DPYSL2: variants seen among roughly 807,000 people sequenced by gnomAD.
The protein encoded by DPYSL2 is dihydropyrimidinase like 2, also known as dihydropyrimidinase-related protein 2.
In DPYSL2, 13 loss-of-function variants were observed where a neutral mutation model predicts 69.9. The observed-to-expected ratio is 0.19, with a 90% confidence interval of 0.12 to 0.30. DPYSL2 has a LOEUF of 0.30. Among genes scored for constraint, DPYSL2 ranks in the 10% least tolerant of loss-of-function variants. The probability of loss-of-function intolerance (pLI) is 1.00; values close to 1 mark genes in which losing one functional copy is unlikely to be tolerated. For synonymous variants in DPYSL2, 326 were observed against 359.1 expected, an observed-to-expected ratio of 0.91 and a Z score of 1.04; for missense variants, 587 against 918.9, an observed-to-expected ratio of 0.64 and a Z score of 4.67.
intron 3 of DPYSL2, among the ~76,000 whole-genome samples, chr8:26,602,060 A>AT (rs1003998486): frequency 3.3e-5 from 5 of 151,366 alleles, no homozygotes; most frequent in East Asian, 1.9e-4. Context: ...CTTTTGTTGT[A>AT]TTTTTTAGAT....
intron 1 of DPYSL2, among the ~76,000 whole-genome samples, chr8:26,531,479 G>C (rs2117612079): frequency 6.6e-6 from 1 of 152,334 alleles, no homozygotes; most frequent in East Asian, 1.9e-4. Context: ...AGGTGGATGA[G>C]ATCAGTCAGG....
intron 3 of DPYSL2, among the ~76,000 whole-genome samples, chr8:26,606,297 A>G (rs1428494777): frequency 6.6e-6 from 1 of 152,202 alleles, no homozygotes; most frequent in Admixed American, 6.5e-5. Flanking sequence ...AATATATCCC[A>G]GATGGATTAA....
chr8:26,547,979 A>G (rs1935716518), intron 1 of DPYSL2: 1 of 257,982 alleles, frequency 3.9e-6, no homozygotes, highest in South Asian at 5.6e-5. Context: ...TCTCCCTGGC[A>G]TGAGAAGGTC....
chr8:26,607,797 C>T (rs372012741), intron 3 of DPYSL2, among the ~76,000 whole-genome samples: 23 of 151,034 alleles, frequency 1.5e-4, no homozygotes, highest in East Asian at 5.9e-4. Context: ...AAAAAAAAAT[C>T]GGCTGGGTGT....
chr8:26,597,968 G>A lies in DPYSL2; in HGVS notation c.628+13985G>A, dbSNP rs1014756400. On this transcript the variant is annotated intron_variant, in intron 3 of 13. Transcript: ENST00000521913. The surrounding 1 kb of genome is among the most constrained non-coding windows in gnomAD (Gnocchi z 5.2). ...ATCTTCATGGAGCTGGGAGACCTTC[G>A]TGCCAGGGTCGACTCTGCTGCTTAT... Among the ~76,000 whole-genome samples the A allele has an allele frequency of 2.0e-5, 3 of 152,082 alleles. No individual in the cohort carries two copies. The highest frequency in any genetic ancestry group is 4.4e-5 in the Non-Finnish European group (3 of 68,008).
Position 26,588,022 on chromosome 8 carries a change from A to G in DPYSL2, c.628+4039A>G, listed in dbSNP as rs537694392. 6.6e-6 allele frequency among the ~76,000 whole-genome samples: 1 copy of G among 152,310 alleles called. No homozygotes were observed. The highest frequency in any genetic ancestry group is 2.4e-5 in the African/African-American group (1 of 41,572). The stretch of plus-strand genomic sequence containing the variant: ...TTGCCCTGGGGCCACCTTTGCTCTC[A>G]GCCTCAGTGGCCTCATCTGCAAAAT... On this transcript the variant is annotated intron_variant, in intron 3 of 13. Coordinates refer to ENST00000521913, the MANE Select transcript of DPYSL2 (RefSeq NM_001197293.3). The surrounding 1 kb of genome is among the most constrained non-coding windows in gnomAD (Gnocchi z 5.4).
intron 1 of DPYSL2, among the ~76,000 whole-genome samples, chr8:26,556,126 T>TAGTATATATATAGTA (rs1491379170): frequency 6.7e-4 from 9 of 13,336 alleles, no homozygotes; most frequent in South Asian, 3.4e-3. Flanking sequence ...ACTATATATA[T>TAGTATATATATAGTA]TATATATACT....
At chr8:26,577,215 C>G (rs370448431) in intron 1 of DPYSL2, 5 of 424,436 alleles carry the variant, frequency 1.2e-5, no homozygotes, top group Non-Finnish European at 1.9e-5. Context: ...GCAGCCTCCC[C>G]CCGGCCCGCG....
At chr8:26,555,153 T>G (rs1800925727) in intron 1 of DPYSL2, among the ~76,000 whole-genome samples, 1 of 152,168 alleles carries the variant, frequency 6.6e-6, no homozygotes, top group South Asian at 2.1e-4. Flanking sequence ...TAACATCATA[T>G]TTATGGTGAG....
rs1290363093 is a variant in DPYSL2 at position 26,577,089 on chromosome 8, C to T, written c.355-4880C>T. On this transcript the variant is annotated intron_variant, in intron 1 of 13. Transcript: ENST00000521913. ...AAAAGGATGTTTCAGGGCGGGGTTT[C>T]CCATACCCCGCAGCCTTCCCCGGAT... The T allele has an allele frequency of 1.6e-5, 7 of 437,324 alleles. No homozygotes were observed. The East Asian group carries it at 6.4e-4, about 40-fold the overall frequency. 27.1% of individuals were successfully genotyped at this position (437,324 alleles called of 1,614,324 possible). A position where few individuals can be genotyped will look rare whatever the true frequency, so the allele number is the denominator to read the frequency against.
At chr8:26,633,548 A>C (rs1237737008) in intron 7 of DPYSL2, among the ~76,000 whole-genome samples, 1 of 151,930 alleles carries the variant, frequency 6.6e-6, no homozygotes, top group East Asian at 1.9e-4. Flanking sequence ...GCTCACTGCA[A>C]CCTCCGCCTC....
intron 1 of DPYSL2, among the ~76,000 whole-genome samples, chr8:26,538,965 A>G (rs747121654): frequency 6.6e-6 from 1 of 151,986 alleles, no homozygotes; most frequent in Non-Finnish European, 1.5e-5. Flanking sequence ...GAATCCAACA[A>G]TGTTTTTCAG....
In DPYSL2 at chr8:26,605,072, G is replaced by A. The variant is rs925872384; in HGVS notation, c.629-19071G>A. 2.4e-4 allele frequency among the ~76,000 whole-genome samples: 36 copies of A among 152,118 alleles called. No homozygotes were observed. The highest frequency in any genetic ancestry group is 4.2e-4 in the South Asian group (2 of 4,808). On this transcript the variant is annotated intron_variant, in intron 3 of 13. Coordinates refer to ENST00000521913, the MANE Select transcript of DPYSL2 (RefSeq NM_001197293.3). The surrounding 1 kb of genome is among the most constrained non-coding windows in gnomAD (Gnocchi z 4.1). Reference sequence around the variant, plus strand: ...GTTATGTTCTGCATTGTAAATGTGCGGAAATCAGTCACCCAGTCACCTGAA... The same window carrying A: ...GTTATGTTCTGCATTGTAAATGTGCAGAAATCAGTCACCCAGTCACCTGAA...
At position 26,514,105 on chromosome 8, in the gene DPYSL2, C is replaced by T. The variant is rs1808227629; in HGVS notation, c.-221C>T. ...CGCTTCCCCGAGCTCGCGCTGTAGCCGCGGGGGGCGTGGGCAGGGAGGGGA... is the reference window on the plus strand; with the variant it reads ...CGCTTCCCCGAGCTCGCGCTGTAGCTGCGGGGGGCGTGGGCAGGGAGGGGA... On this transcript the variant is annotated 5_prime_UTR_variant, in exon 1 of 14. Transcript: ENST00000521913. This position sits in a 1 kb window ranked among gnomAD's most constrained non-coding sequence, Gnocchi z 8.4. 3 of 390,024 alleles carry T rather than the reference C, an allele frequency of 7.7e-6. No individual in the cohort carries two copies. Among genetic ancestry groups the T allele is most frequent in the Non-Finnish European group, 1.3e-5 (3 of 222,944 alleles). 24.2% of individuals were successfully genotyped at this position (390,024 alleles called of 1,614,324 possible).
chr8:26,531,806 AGTAGGATGAAACCT>A (rs1800514254), intron 1 of DPYSL2, among the ~76,000 whole-genome samples: 1 of 151,990 alleles, frequency 6.6e-6, no homozygotes, highest in African/African-American at 2.4e-5. Context: ...AAAAAAATGA[AGTAGGATGAAACCT>A]GAAAGGACAC....
At chr8:26,552,209 C>A (rs1468417690) in intron 1 of DPYSL2, among the ~76,000 whole-genome samples, 1 of 152,090 alleles carries the variant, frequency 6.6e-6, no homozygotes, top group African/African-American at 2.4e-5. Flanking sequence ...GAAAATACAA[C>A]TTATCAAAAT....
chr8:26,527,596 A>G (rs1467965051), intron 1 of DPYSL2, among the ~76,000 whole-genome samples: 1 of 152,142 alleles, frequency 6.6e-6, no homozygotes, highest in African/African-American at 2.4e-5. Flanking sequence ...GGGTTTTTAC[A>G]CGCACATTTC....
Position 26,587,372 on chromosome 8 carries a change from G to C in DPYSL2, c.628+3389G>C, listed in dbSNP as rs1801630872. Among the ~76,000 whole-genome samples the C allele has an allele frequency of 1.3e-5, 2 of 152,074 alleles. No homozygotes were observed. The highest frequency in any genetic ancestry group is 4.8e-5 in the African/African-American group (2 of 41,410). On this transcript the variant is annotated intron_variant, in intron 3 of 13. Coordinates refer to ENST00000521913, the MANE Select transcript of DPYSL2 (RefSeq NM_001197293.3). The surrounding 1 kb of genome is among the most constrained non-coding windows in gnomAD (Gnocchi z 4.2). ...CCCAACTCCCCGCCACCCCGCCCCT[G>C]GGCACTCCACCCTCCTGGCTTTCTG...
At chr8:26,549,226 A>AATAATC (rs368363831) in intron 1 of DPYSL2, among the ~76,000 whole-genome samples, 80 of 145,480 alleles carry the variant, frequency 5.5e-4, no homozygotes, top group African/African-American at 1.9e-3. Flanking sequence ...TAATAATAAT[A>AATAATC]ATCAAAAGGA....
Sources: gnomAD v4.1 joint callset for allele counts (sites outside exome capture counted in the v4.1 genomes callset) on GRCh38, gnomAD v4.1.1 for gene constraint, Gnocchi (gnomAD v3.1) non-coding constraint, MANE v1.5 for transcripts, NCBI Gene and HGNC (gene_info 2026-07-23, HGNC 2026-07-21) for gene names.